LYPD6: variants seen among roughly 807,000 people sequenced by gnomAD.
LYPD6 encodes LY6/PLAUR domain containing 6, also known as ly6/PLAUR domain-containing protein 6.
LYPD6 carries 15 observed loss-of-function variants against 22.7 expected under a neutral mutation model. The ratio of observed to expected loss-of-function variants is 0.66; its 90% CI spans 0.44 to 1.02. The LOEUF (loss-of-function observed/expected upper bound fraction) is 1.02. Ranked by LOEUF, LYPD6 falls within the 50% of genes least tolerant of loss-of-function variation. LYPD6 has a pLI of 0.00. For missense variants in LYPD6, 189 were observed against 208.4 expected, an observed-to-expected ratio of 0.91 and a Z score of 0.57; for synonymous variants, 72 against 77.5, an observed-to-expected ratio of 0.93 and a Z score of 0.37.
chr2:149,337,108 C>G (rs1223505762), intron 1 of LYPD6, among the ~76,000 whole-genome samples: 2 of 152,158 alleles, frequency 1.3e-5, no homozygotes, highest in African/African-American at 4.8e-5. Flanking sequence ...TTGCTGATTT[C>G]TTTCTAGACT....
At chr2:149,468,516 TCA>T in intron 3 of LYPD6, 127 bp from the exon 4 acceptor site, 1 of 1,046,800 alleles carries the variant, frequency 9.6e-7, no homozygotes, top group South Asian at 1.6e-5. Context: ...GGACATAAAC[TCA>T]AAGCAGTGCA....
At chr2:149,420,397 G>A (rs1232980491) in intron 1 of LYPD6, among the ~76,000 whole-genome samples, 10 of 152,190 alleles carry the variant, frequency 6.6e-5, no homozygotes, top group Admixed American at 6.5e-4. Context: ...TTCTCAAAAT[G>A]TGACCGTCCC....
intron 1 of LYPD6, among the ~76,000 whole-genome samples, chr2:149,353,405 T>C (rs1002004693): frequency 6.6e-6 from 1 of 152,198 alleles, no homozygotes; most frequent in Non-Finnish European, 1.5e-5. Context: ...TTCATGCCTT[T>C]TTAATTGATT....
Position 149,437,728 on chromosome 2 carries a change from T to C in LYPD6, c.20T>C (p.Leu7Pro), listed in dbSNP as rs1683465235. MEPGPA[L>P]AWLLLLSLLA... ...TCTGCCATGGAACCTGGCCCTGCTCTGGCCTGGCTCCTGCTCCTGAGCCTG... is the reference window on the plus strand; with the variant it reads ...TCTGCCATGGAACCTGGCCCTGCTCCGGCCTGGCTCCTGCTCCTGAGCCTG... The change falls in exon 2 of 5, where the codon CTG becomes CCG. Residue 7 changes from leucine to proline, a missense_variant. Physicochemically the swap from Leu to Pro is moderately conservative, Grantham distance 98 (BLOSUM62 -3). Transcript: ENST00000334166. The C allele has an allele frequency of 1.2e-6, 2 of 1,614,062 alleles. No homozygotes were observed. Among genetic ancestry groups the C allele is most frequent in the African/African-American group, 1.3e-5 (1 of 74,946 alleles).
chr2:149,412,468 G>A (rs373159479), intron 1 of LYPD6, among the ~76,000 whole-genome samples: 3 of 138,042 alleles, frequency 2.2e-5, no homozygotes, highest in South Asian at 4.4e-4. Flanking sequence ...CATCAGAGAA[G>A]CTATTTTTGT....
At chr2:149,466,181 T>C (rs1681196603) in intron 3 of LYPD6, among the ~76,000 whole-genome samples, 1 of 152,154 alleles carries the variant, frequency 6.6e-6, no homozygotes, top group Admixed American at 6.6e-5. Context: ...CCGATAAACC[T>C]TTGGAGATCA....
chr2:149,376,741 C>G (rs535368010), intron 1 of LYPD6, among the ~76,000 whole-genome samples: 24 of 152,256 alleles, frequency 1.6e-4, no homozygotes, highest in Non-Finnish European at 3.1e-4. Context: ...CAACTTAATC[C>G]AGGGACGCAT....
intron 1 of LYPD6, among the ~76,000 whole-genome samples, chr2:149,332,885 C>T (rs539511649): frequency 5.9e-5 from 9 of 152,196 alleles, no homozygotes; most frequent in Middle Eastern, 6.8e-3. Context: ...CAAAGAGATA[C>T]GTTATTTTTG....
the LYPD6 span, among the ~76,000 whole-genome samples, chr2:149,484,510 A>G: frequency 6.6e-6 from 1 of 151,492 alleles, no homozygotes; most frequent in Non-Finnish European, 1.5e-5. Flanking sequence ...AATGGCAGAG[A>G]AAATTCAGAT....
At chr2:149,428,368 A>T (rs1203988225) in intron 1 of LYPD6, among the ~76,000 whole-genome samples, 1 of 152,154 alleles carries the variant, frequency 6.6e-6, no homozygotes, top group Non-Finnish European at 1.5e-5. Context: ...TAATTAAAGG[A>T]AGAGTTAAAA....
intron 1 of LYPD6, among the ~76,000 whole-genome samples, chr2:149,431,954 A>G (rs953682445): frequency 6.6e-6 from 1 of 152,236 alleles, no homozygotes; most frequent in Non-Finnish European, 1.5e-5. Context: ...AAGGATTTGA[A>G]TAGACATCAC....
At chr2:149,450,115 G>T (rs1683775004) in intron 3 of LYPD6, among the ~76,000 whole-genome samples, 1 of 152,184 alleles carries the variant, frequency 6.6e-6, no homozygotes, top group Admixed American at 6.5e-5. Context: ...CACCTAGTGT[G>T]TCCAGTAGAA....
intron 1 of LYPD6, among the ~76,000 whole-genome samples, chr2:149,422,233 A>C (rs865971517): frequency 6.6e-5 from 10 of 152,170 alleles, no homozygotes; most frequent in African/African-American, 1.9e-4. Flanking sequence ...TTTAAACTAG[A>C]GGTTTTAATT....
intron 1 of LYPD6, among the ~76,000 whole-genome samples, chr2:149,371,839 A>G (rs912801825): frequency 6.6e-6 from 1 of 152,140 alleles, no homozygotes; most frequent in African/African-American, 2.4e-5. Flanking sequence ...GAGTGTCCAT[A>G]GTACTCCTAT....
At chr2:149,468,975 A>T (rs1681271989) in intron 4 of LYPD6, among the ~76,000 whole-genome samples, 200 bp downstream of exon 4, 1 of 152,252 alleles carries the variant, frequency 6.6e-6, no homozygotes, top group Non-Finnish European at 1.5e-5. Flanking sequence ...CAACTGATAT[A>T]AATTGTGTAA....
intron 1 of LYPD6, among the ~76,000 whole-genome samples, chr2:149,342,103 T>C (rs114931260): frequency 5.1e-4 from 78 of 152,328 alleles, no homozygotes; most frequent in African/African-American, 1.7e-3. Flanking sequence ...CTTTTAGGTA[T>C]TGAGGGTATT....
rs564343256 is a variant in LYPD6 at position 149,408,820 on chromosome 2, A to G, written c.-71-28818A>G. 2.0e-5 allele frequency among the ~76,000 whole-genome samples: 3 copies of G among 152,262 alleles called. No homozygotes were observed. In the South Asian group the frequency reaches 6.2e-4, roughly 32 times the overall value. ...GAATTTTCCTTTTATATCCCGTACC[A>G]TGTTTTTGATGAATTTAAGTGGGAC... On this transcript the variant is annotated intron_variant, in intron 1 of 4. Transcript: ENST00000334166.
Position 149,392,123 on chromosome 2 carries a change from G to C in LYPD6, c.-71-45515G>C, listed in dbSNP as rs532308261. On this transcript the variant is annotated intron_variant, in intron 1 of 4. Coordinates refer to ENST00000334166, the MANE Select transcript of LYPD6 (RefSeq NM_194317.5). The stretch of plus-strand genomic sequence containing the variant: ...TCCTCCCATGGGGATGGGGTGGTTA[G>C]GGCAGACCAAGTTCCATGGTGCCCC... Among the ~76,000 whole-genome samples the C allele has an allele frequency of 1.1e-3, 165 of 152,232 alleles. 1 individual carries two copies. Among genetic ancestry groups the C allele is most frequent in the African/African-American group, 3.9e-3 (160 of 41,544 alleles).
chr2:149,343,557 A>G (rs1459986220), intron 1 of LYPD6, among the ~76,000 whole-genome samples: 4 of 152,216 alleles, frequency 2.6e-5, no homozygotes, highest in Non-Finnish European at 4.4e-5. Context: ...TAATGAATGA[A>G]TCTAAGCTGG....
Sources: gnomAD v4.1 joint callset for allele counts (sites outside exome capture counted in the v4.1 genomes callset) on GRCh38, gnomAD v4.1.1 for gene constraint, MANE v1.5 for transcripts, NCBI Gene and HGNC (gene_info 2026-07-23, HGNC 2026-07-21) for gene names.